The following CLNK variants were observed in gnomAD, a reference collection of about 807,000 sequenced individuals.
CLNK encodes cytokine-dependent hematopoietic cell linker.
A neutral mutation model predicts 68.6 loss-of-function variants in CLNK; 74 were observed. The observed-to-expected ratio is 1.08, with a 90% CI of 0.89 to 1.31. The LOEUF (loss-of-function observed/expected upper bound fraction) is 1.31, where lower values mean the gene tolerates loss of function less well. CLNK is among the 50% of genes most tolerant of loss of function. The probability of loss-of-function intolerance (pLI) is 0.00; values close to 1 mark genes in which losing one functional copy is unlikely to be tolerated. For missense variants in CLNK, 553 were observed against 515.3 expected (o/e 1.07, Z -0.71); for synonymous variants, 198 against 172.2 (o/e 1.15, Z -1.17).
chr4:10,589,627 G>T (rs980579889), intron 3 of CLNK, among the ~76,000 whole-genome samples: 1 of 145,902 alleles, frequency 6.9e-6, no homozygotes, highest in Non-Finnish European at 1.5e-5. Flanking sequence ...AAAGAGGAAG[G>T]CTGGGACCAG....
intron 4 of CLNK, among the ~76,000 whole-genome samples, chr4:10,575,288 G>A (rs929856348): frequency 6.6e-6 from 1 of 152,142 alleles, no homozygotes; most frequent in South Asian, 2.1e-4. Context: ...CTCTCCTTGA[G>A]TCTGCCAGCA....
intron 7 of CLNK, among the ~76,000 whole-genome samples, chr4:10,563,666 T>C (rs1280193725): frequency 6.6e-6 from 1 of 152,138 alleles, no homozygotes; most frequent in African/African-American, 2.4e-5. Context: ...CCCAGCACTT[T>C]GGGAGGCTAA....
At chr4:10,514,958 C>T (rs959159967) in intron 15 of CLNK, among the ~76,000 whole-genome samples, 10 of 152,200 alleles carry the variant, frequency 6.6e-5, no homozygotes, top group African/African-American at 9.6e-5. Context: ...AATTCTGGGC[C>T]GGGTGTGGTG....
At chr4:10,617,932 G>C (rs1262561054) in intron 2 of CLNK, among the ~76,000 whole-genome samples, 2 of 152,166 alleles carry the variant, frequency 1.3e-5, no homozygotes, top group Non-Finnish European at 2.9e-5. Flanking sequence ...TAGTTGGGGA[G>C]CAAAGAGGAA....
At chr4:10,524,860 T>A (rs1718237496) in intron 14 of CLNK, among the ~76,000 whole-genome samples, 1 of 152,104 alleles carries the variant, frequency 6.6e-6, no homozygotes. Context: ...GCCAGTGCCA[T>A]GCATTAAGTG....
At chr4:10,614,972 G>T (rs1722171005) in intron 2 of CLNK, among the ~76,000 whole-genome samples, 1 of 152,076 alleles carries the variant, frequency 6.6e-6, no homozygotes, top group Non-Finnish European at 1.5e-5. Context: ...GATCACTTTA[G>T]GTCAGGTGTT....
At chr4:10,612,046 T>C (rs942750251) in intron 2 of CLNK, among the ~76,000 whole-genome samples, 3 of 152,206 alleles carry the variant, frequency 2.0e-5, no homozygotes, top group Non-Finnish European at 2.9e-5. Context: ...ATTCCCACAA[T>C]GTCTACAATG....
the CLNK span, among the ~76,000 whole-genome samples, chr4:10,710,674 A>G: frequency 6.6e-6 from 1 of 152,218 alleles, no homozygotes; most frequent in Admixed American, 6.5e-5. Context: ...GCTCAACTCC[A>G]AAGTCAGAGG....
the CLNK span, chr4:10,696,979 T>G: frequency 6.6e-6 from 1 of 152,194 alleles, no homozygotes; most frequent in African/African-American, 2.4e-5. Flanking sequence ...CTCCTGGTGA[T>G]TCTTATGCAC....
At chr4:10,495,802 TGAG>T (rs1716784277) in intron 18 of CLNK, among the ~76,000 whole-genome samples, 2 of 145,694 alleles carry the variant, frequency 1.4e-5, no homozygotes, top group Non-Finnish European at 3.0e-5. Context: ...GAGAGAGCGA[TGAG>T]GAGAAGGTCA....
At chr4:10,672,581 T>C (rs2108897104) in intron 1 of CLNK, among the ~76,000 whole-genome samples, 1 of 152,296 alleles carries the variant, frequency 6.6e-6, no homozygotes, top group Non-Finnish European at 1.5e-5. Flanking sequence ...GATGCTTAGG[T>C]AAGCATTTTT....
At chr4:10,729,777 A>G in the CLNK span, among the ~76,000 whole-genome samples, 1 of 152,240 alleles carries the variant, frequency 6.6e-6, no homozygotes, top group Non-Finnish European at 1.5e-5. Context: ...CATATAATTT[A>G]TGTATAATTA....
intron 2 of CLNK, among the ~76,000 whole-genome samples, chr4:10,608,035 C>T (rs758925925): frequency 6.6e-6 from 1 of 151,876 alleles, no homozygotes; most frequent in Non-Finnish European, 1.5e-5. Context: ...TAGAAGAGTC[C>T]CAAAAAATCC....
chr4:10,606,649 A>G (rs771939563), intron 2 of CLNK, among the ~76,000 whole-genome samples: 33 of 152,342 alleles, frequency 2.2e-4, no homozygotes, highest in South Asian at 6.2e-4. Flanking sequence ...TTACAATGTT[A>G]TAGCAGCTGC....
At chr4:10,490,961 C>T (rs1716545277) in intron 18 of CLNK, among the ~76,000 whole-genome samples, 1 of 152,054 alleles carries the variant, frequency 6.6e-6, no homozygotes, top group Non-Finnish European at 1.5e-5. Flanking sequence ...GACAGGGTTT[C>T]GCCATGTTGG....
At chr4:10,698,486 G>C in the CLNK span, among the ~76,000 whole-genome samples, 1 of 152,120 alleles carries the variant, frequency 6.6e-6, no homozygotes, top group Admixed American at 6.6e-5. Context: ...ATATAAAACA[G>C]GTTTGTTCAT....
At chr4:10,667,717 A>G (rs1057265055) in intron 2 of CLNK, 142 bp downstream of exon 2, 4 of 272,028 alleles carry the variant, frequency 1.5e-5, no homozygotes, top group African/African-American at 4.1e-5. Context: ...CAAAGCCCAC[A>G]ATCTCAACCA....
chr4:10,679,887 G>A (rs1356196149), intron 1 of CLNK, among the ~76,000 whole-genome samples: 2 of 152,078 alleles, frequency 1.3e-5, no homozygotes, highest in Non-Finnish European at 2.9e-5. Flanking sequence ...GAGAGGATGT[G>A]GAGAAATAGG....
At chr4:10,524,179 C>G (rs1718206434) in intron 14 of CLNK, among the ~76,000 whole-genome samples, 1 of 151,866 alleles carries the variant, frequency 6.6e-6, no homozygotes, top group Non-Finnish European at 1.5e-5. Context: ...AAACACCAGA[C>G]AGTCCCCAAA....
Sources: gnomAD v4.1 joint callset for allele counts (sites outside exome capture counted in the v4.1 genomes callset) on GRCh38, gnomAD v4.1.1 for gene constraint, MANE v1.5 for transcripts, NCBI Gene and HGNC (gene_info 2026-07-23, HGNC 2026-07-21) for gene names.